SOX8: variants seen among roughly 807,000 people sequenced by gnomAD.
SOX8 encodes SRY-box transcription factor 8.
In SOX8, 9 loss-of-function variants were observed where a neutral mutation model predicts 22.9. That is an observed-to-expected ratio of 0.39 (90% CI 0.24 to 0.69). The LOEUF is 0.69. Among genes scored for constraint, SOX8 ranks in the 30% least tolerant of loss-of-function variants. SOX8 has a pLI of 0.43. For synonymous variants in SOX8, 416 were observed against 330.6 expected, an observed-to-expected ratio of 1.26 and a Z score of -2.80; for missense variants, 734 against 699.4, an observed-to-expected ratio of 1.05 and a Z score of -0.56.
rs1350668031 is a variant in SOX8, at chr16:986,472, TAGGACAC to T, written c.*1098_*1104del. Reference sequence around the variant, plus strand: ...CCTTGCCCATGACTGTGCCATGTGGTAGGACACAGGACACAGGAATTCCTGGAAAGTG... The same window carrying T: ...CCTTGCCCATGACTGTGCCATGTGGTAGGACACAGGAATTCCTGGAAAGTG... On this transcript the variant is annotated 3_prime_UTR_variant, in exon 3 of 3. Transcript: ENST00000293894. The T allele has an allele frequency of 3.9e-5, 6 of 152,374 alleles. No homozygotes were observed. The highest frequency in any genetic ancestry group is 4.1e-4 in the South Asian group (2 of 4,824). The allele number at this position is 152,374 out of a possible 1,614,324, so 9.4% of individuals were successfully genotyped here.
rs1256609408 is a variant in SOX8, at chr16:984,742, A to G, written c.697A>G (p.Thr233Ala). The G allele has an allele frequency of 6.3e-7, 1 of 1,577,518 alleles. No individual in the cohort carries two copies. The highest frequency in any genetic ancestry group is 8.6e-7 in the Non-Finnish European group (1 of 1,162,438). Residue 233 changes from threonine (T) to alanine (A), a missense_variant, in exon 3 of 3, where the codon ACG (threonine) becomes GCG (alanine). By Grantham distance (58) the Thr-to-Ala change is moderately conservative (BLOSUM62 0). Around this residue, in one of 3 missense-constraint regions of SOX8, gnomAD observed 588 missense variants for 568.2 expected, o/e 1.03. Transcript: ENST00000293894. ...GCCCACCCCGCCCACCACCCCCAAGACGGAGCTGCAGCAGGCGGGCGCCAA... is the reference window on the plus strand; with the variant it reads ...GCCCACCCCGCCCACCACCCCCAAGGCGGAGCTGCAGCAGGCGGGCGCCAA... ...GPPTPPTTPK[T>A]ELQQAGAKPE...
Position 985,461 on chromosome 16 carries a change from G to T in SOX8, c.*75G>T. On this transcript the variant is annotated 3_prime_UTR_variant, in exon 3 of 3. Coordinates refer to ENST00000293894, the MANE Select transcript of SOX8 (RefSeq NM_014587.5). ...CCGGCCCAGTGTGTGTGACCAGGGC[G>T]GGAGGGGCCCCAGTGGCTGAGCTCC... 1 of 1,266,682 alleles carries T rather than the reference G, an allele frequency of 7.9e-7. No homozygotes were observed. Among genetic ancestry groups the T allele is most frequent in the Admixed American group, 2.8e-5 (1 of 35,444 alleles). The allele number at this position is 1,266,682 out of a possible 1,614,324, so 78.5% of individuals were successfully genotyped here. A position where few individuals can be genotyped will look rare whatever the true frequency, so the allele number is the denominator to read the frequency against.
rs549886177 is a variant in SOX8 at position 986,187 on chromosome 16, C to T, written c.*801C>T. On this transcript the variant is annotated 3_prime_UTR_variant, in exon 3 of 3. Coordinates refer to ENST00000293894, the MANE Select transcript of SOX8 (RefSeq NM_014587.5). ...GAGTTGCAGCTGTTGGCCGGCATCA[C>T]GTTGCTCGTTGCTCGGCTTATGGGA... 1 of 152,250 alleles carries T rather than the reference C, an allele frequency of 6.6e-6. No individual in the cohort carries two copies. The highest frequency in any genetic ancestry group is 1.5e-5 in the Non-Finnish European group (1 of 68,042). 9.4% of individuals were successfully genotyped at this position (152,250 alleles called of 1,614,324 possible).
At chr16:982,413 G>T in intron 1 of SOX8, 69 bp downstream of exon 1, 1 of 1,274,318 alleles carries the variant, frequency 7.8e-7, no homozygotes, top group Non-Finnish European at 9.9e-7. Context: ...TGCGAGCGGG[G>T]GCCTGGAGGG....
At chr16:982,398 C>G (rs1441698368) in intron 1 of SOX8, 54 bp downstream of exon 1, 1 of 1,293,152 alleles carries the variant, frequency 7.7e-7, no homozygotes, top group Non-Finnish European at 9.8e-7. Flanking sequence ...CCCCTGGTCT[C>G]GGACTGCGAG....
At position 983,958 on chromosome 16, in the gene SOX8, C is replaced by T; in HGVS notation, c.653C>T (p.Thr218Ile). The stretch of plus-strand genomic sequence containing the variant: ...GATGGGCACCACCATGGCGACCACA[C>T]AGGTGGGCTCCAGGCCCCCCGCATA... ...LGDGHHHGDH[T>I]GQTHGPPTPP... Residue 218 changes from threonine to isoleucine, a missense_variant and splice_region_variant, in exon 2 of 3, where the codon ACA becomes ATA. Around this residue, in one of 3 missense-constraint regions of SOX8, gnomAD observed 588 missense variants for 568.2 expected, o/e 1.03. Transcript: ENST00000293894. The T allele has an allele frequency of 6.6e-7, 1 of 1,518,878 alleles. No homozygotes were observed. Among genetic ancestry groups the T allele is most frequent in the Non-Finnish European group, 8.9e-7 (1 of 1,126,730 alleles). The allele number at this position is 1,518,878 out of a possible 1,614,324, so 94.1% of individuals were successfully genotyped here.
In SOX8 at chr16:983,806, C is replaced by T. The variant is rs773733526; in HGVS notation, c.501C>T (p.Pro167=). 3 of 1,612,858 alleles carry T rather than the reference C, an allele frequency of 1.9e-6. No homozygotes were observed. Among genetic ancestry groups the T allele is most frequent in the Admixed American group, 3.3e-5 (2 of 60,024 alleles). ...RLRVQHKKDH[P]DYKYQPRRRK... The stretch of plus-strand genomic sequence containing the variant: ...GCGTGCAGCACAAGAAGGACCACCC[C>T]GACTACAAGTACCAGCCACGGCGCA... Residue 167 remains proline (P), a synonymous_variant, in exon 2 of 3, where the codon CCC becomes CCT. Transcript: ENST00000293894.
At chr16:983,080 C>T (rs2073418724) in intron 1 of SOX8, 1 of 152,410 alleles carries the variant, frequency 6.6e-6, no homozygotes, top group Non-Finnish European at 1.5e-5. Context: ...TTCCCGTATC[C>T]TGCTCCTCAC....
In SOX8 at chr16:984,880, G is replaced by A. The variant is rs1286616400; in HGVS notation, c.835G>A (p.Ala279Thr). The change falls in exon 3 of 3, where the codon GCC becomes ACC. Residue 279 changes from alanine to threonine, a missense_variant. Physicochemically the swap from Ala to Thr is moderately conservative, Grantham distance 58. Transcript: ENST00000293894. ...CAGCGAGGTCATGGGCACCATGGACGCCTTCGACGTCCACGAGTTCGACCA... is the reference window on the plus strand; with the variant it reads ...CAGCGAGGTCATGGGCACCATGGACACCTTCGACGTCCACGAGTTCGACCA... ...LSSEVMGTMDAFDVHEFDQYL... is the reference protein window; with the variant it reads ...LSSEVMGTMDTFDVHEFDQYL... 7.4e-6 allele frequency: 12 copies of A among 1,611,416 alleles called. No homozygotes were observed. The highest frequency in any genetic ancestry group is 1.7e-5 in the Admixed American group (1 of 59,936).
chr16:982,508 A>G (rs911542820), intron 1 of SOX8, 164 bp downstream of exon 1: 3 of 762,156 alleles, frequency 3.9e-6, no homozygotes, highest in Non-Finnish European at 5.4e-6. Context: ...CAGTGGAAAA[A>G]CATCCTCTGG....
rs1426231322 is a variant in SOX8 at position 984,919 on chromosome 16, G to A, written c.874G>A (p.Gly292Ser). 2.5e-6 allele frequency: 4 copies of A among 1,606,128 alleles called. No homozygotes were observed. In the South Asian group the frequency reaches 3.3e-5, roughly 13 times the overall value. Residue 292 changes from glycine to serine, a missense_variant, in exon 3 of 3, where the codon GGC (glycine) becomes AGC (serine). Gly to Ser is a moderately conservative substitution (Grantham distance 56, BLOSUM62 0). This residue lies in a region of SOX8 where 588 missense variants were observed against 568.2 expected (regional missense o/e 1.03). Transcript: ENST00000293894. The part of the protein sequence containing the change: ...VHEFDQYLPL[G>S]GPAPPEPGQA... ...CGAGTTCGACCAGTACCTGCCCCTG[G>A]GCGGCCCCGCCCCACCCGAGCCGGG...
chr16:985,368 C>A lies in SOX8; in HGVS notation c.1323C>A (p.Thr441=), dbSNP rs751058966. ...GTCACTGGGACCAGCCGGTGTACAC[C>A]ACCCTGACCAGGCCCTGAGGGCCCA... is the stretch of plus-strand genomic sequence containing the variant. ...PTSHWDQPVY[T]TLTRP Residue 441 remains threonine (T), a synonymous_variant, in exon 3 of 3, where the codon ACC becomes ACA. Transcript: ENST00000293894. 2 of 1,569,044 alleles carry A rather than the reference C, an allele frequency of 1.3e-6. No homozygotes were observed. The highest frequency in any genetic ancestry group is 1.7e-6 in the Non-Finnish European group (2 of 1,163,016).
At chr16:984,322 C>A (rs765529647) in intron 2 of SOX8, among the ~76,000 whole-genome samples, 1 of 152,208 alleles carries the variant, frequency 6.6e-6, no homozygotes, top group South Asian at 2.1e-4. Context: ...GGAGTCCTGC[C>A]GGGGCCTCGG....
intron 1 of SOX8, chr16:983,436 G>A (rs1266994153): frequency 1.1e-5 from 3 of 279,262 alleles, no homozygotes; most frequent in Admixed American, 5.3e-5. Flanking sequence ...CCAGAGGGAG[G>A]GAACAGCAGG....
chr16:983,476 G>A (rs542142199), intron 1 of SOX8: 31 of 387,394 alleles, frequency 8.0e-5, no homozygotes, highest in Non-Finnish European at 1.4e-4. Flanking sequence ...GAAGGAGGAA[G>A]ATGGGAGGCG....
chr16:984,436 G>T (rs1305269544), intron 2 of SOX8, among the ~76,000 whole-genome samples: 1 of 152,230 alleles, frequency 6.6e-6, no homozygotes, highest in Non-Finnish European at 1.5e-5. Flanking sequence ...CTCTGGCCAG[G>T]CTGGGCCTGT....
intron 1 of SOX8, chr16:982,667 C>G: frequency 3.6e-6 from 1 of 274,402 alleles, no homozygotes. Flanking sequence ...CCGACGTGCC[C>G]TCCAGCCGTT....
Position 985,196 on chromosome 16 carries a change from G to T in SOX8, c.1151G>T (p.Gly384Val). 1 of 1,611,648 alleles carries T rather than the reference G, an allele frequency of 6.2e-7. No homozygotes were observed. The highest frequency in any genetic ancestry group is 1.1e-5 in the South Asian group (1 of 91,046). Residue 384 changes from glycine (G) to valine (V), a missense_variant, in exon 3 of 3, where the codon GGC becomes GTC. Transcript: ENST00000293894. ...GPFAGSQGDY[G>V]DLQASSYYGA... Reference sequence around the variant, plus strand: ...TTCGCCGGCTCACAGGGCGACTATGGCGACCTGCAGGCCTCCAGCTACTAT... The same window carrying T: ...TTCGCCGGCTCACAGGGCGACTATGTCGACCTGCAGGCCTCCAGCTACTAT...
chr16:982,110 G>C lies in SOX8; in HGVS notation c.188G>C (p.Arg63Pro). 3.7e-6 allele frequency: 5 copies of C among 1,352,034 alleles called. No homozygotes were observed. Among genetic ancestry groups the C allele is most frequent in the Non-Finnish European group, 4.7e-6 (5 of 1,057,054 alleles). 83.8% of individuals were successfully genotyped at this position (1,352,034 alleles called of 1,614,324 possible). ...RGDPAEAADE[R>P]FPACIRDAVS... Reference sequence around the variant, plus strand: ...GACCCGGCGGAGGCGGCGGACGAGCGCTTCCCGGCCTGCATCCGCGACGCC... The same window carrying C: ...GACCCGGCGGAGGCGGCGGACGAGCCCTTCCCGGCCTGCATCCGCGACGCC... The change falls in exon 1 of 3, where the codon CGC becomes CCC. Residue 63 changes from arginine (R) to proline (P), a missense_variant. Coordinates refer to ENST00000293894, the MANE Select transcript of SOX8 (RefSeq NM_014587.5).
Sources: gnomAD v4.1 joint callset for allele counts (sites outside exome capture counted in the v4.1 genomes callset) on GRCh38, gnomAD v4.1.1 for gene constraint, gnomAD v4.1.1 regional missense constraint, MANE v1.5 for transcripts, NCBI Gene and HGNC (gene_info 2026-07-23, HGNC 2026-07-21) for gene names.